The following CTNNA2 variants were observed in gnomAD, a reference collection of about 807,000 sequenced individuals.
CTNNA2 encodes catenin alpha-2.
CTNNA2 carries 42 observed loss-of-function variants against 101.0 expected under a neutral mutation model. That is an observed-to-expected ratio of 0.42 (90% confidence interval 0.32 to 0.54). The LOEUF (loss-of-function observed/expected upper bound fraction) is 0.54, where lower values mean the gene tolerates loss of function less well. Ranked by LOEUF, CTNNA2 falls within the 20% of genes least tolerant of loss-of-function variation. The pLI, the probability that CTNNA2 is intolerant of heterozygous loss-of-function variation, is 0.14. For missense variants in CTNNA2, 871 were observed against 1,223.1 expected (o/e 0.71, Z 4.29); for synonymous variants, 450 against 456.4 (o/e 0.99, Z 0.18).
chr2:79,754,879 T>C (rs1672292478), intron 3 of CTNNA2, among the ~76,000 whole-genome samples: 1 of 151,974 alleles, frequency 6.6e-6, no homozygotes, highest in African/African-American at 2.4e-5. Context: ...AGGATACCTT[T>C]GGGGAAAGAA....
intron 7 of CTNNA2, among the ~76,000 whole-genome samples, chr2:80,023,486 T>G (rs1032050518): frequency 6.6e-6 from 1 of 152,186 alleles, no homozygotes; most frequent in Non-Finnish European, 1.5e-5. Context: ...CAGGGATTCC[T>G]ACAGCAGGCA....
chr2:80,086,500 C>T (rs1573033292), intron 7 of CTNNA2, among the ~76,000 whole-genome samples: 1 of 152,100 alleles, frequency 6.6e-6, no homozygotes, highest in East Asian at 1.9e-4. Flanking sequence ...TGGACACCTC[C>T]TTGTGATATG....
chr2:79,906,621 A>G (rs989546849), intron 6 of CTNNA2, among the ~76,000 whole-genome samples: 2 of 152,174 alleles, frequency 1.3e-5, no homozygotes, highest in Admixed American at 1.3e-4. Flanking sequence ...GAGTTTGTCA[A>G]GCTCAATGTT....
intron 2 of CTNNA2, among the ~76,000 whole-genome samples, chr2:79,215,846 G>A (rs1316224640): frequency 6.6e-6 from 1 of 152,086 alleles, no homozygotes; most frequent in Non-Finnish European, 1.5e-5. Context: ...ATAGGGTGGA[G>A]GAGCAGAGGC....
intron 9 of CTNNA2, among the ~76,000 whole-genome samples, chr2:80,464,670 C>A (rs1382952368): frequency 6.6e-6 from 1 of 152,120 alleles, no homozygotes; most frequent in Admixed American, 6.6e-5. Context: ...CTTGCATACC[C>A]ACTCTGGCAT....
chr2:79,796,980 C>T (rs1369968091), intron 3 of CTNNA2, among the ~76,000 whole-genome samples: 1 of 152,076 alleles, frequency 6.6e-6, no homozygotes, highest in Non-Finnish European at 1.5e-5. Context: ...TGCCCTCCCT[C>T]CATAGAGGCA....
chr2:79,715,780 C>T (rs1171556821), intron 2 of CTNNA2, among the ~76,000 whole-genome samples: 1 of 152,060 alleles, frequency 6.6e-6, no homozygotes, highest in Non-Finnish European at 1.5e-5. Context: ...GGACCCATTG[C>T]TAACCCACTG....
intron 7 of CTNNA2, among the ~76,000 whole-genome samples, chr2:80,348,673 A>G (rs1673006771): frequency 6.6e-6 from 1 of 152,120 alleles, no homozygotes; most frequent in Non-Finnish European, 1.5e-5. Context: ...ACACATAGAC[A>G]TGTGTAGCTT....
At chr2:80,095,323 T>C (rs560883310) in intron 7 of CTNNA2, among the ~76,000 whole-genome samples, 2 of 152,384 alleles carry the variant, frequency 1.3e-5, no homozygotes, top group African/African-American at 4.8e-5. Context: ...TTGCATATGT[T>C]GAACCAGCCT....
At chr2:79,894,368 C>G (rs1261189857) in intron 6 of CTNNA2, among the ~76,000 whole-genome samples, 5 of 150,328 alleles carry the variant, frequency 3.3e-5, no homozygotes, top group Non-Finnish European at 7.4e-5. Flanking sequence ...ATTCCATCAT[C>G]TTGGTAAGCC....
At chr2:80,283,787 C>T (rs1216519576) in intron 7 of CTNNA2, among the ~76,000 whole-genome samples, 1 of 151,818 alleles carries the variant, frequency 6.6e-6, no homozygotes, top group African/African-American at 2.4e-5. Flanking sequence ...TCTCCAGCCA[C>T]TGCATATGCT....
chr2:79,995,570 G>A (rs965720207), intron 7 of CTNNA2, among the ~76,000 whole-genome samples: 13 of 152,186 alleles, frequency 8.5e-5, no homozygotes, highest in Non-Finnish European at 1.6e-4. Flanking sequence ...CAGCATTTTA[G>A]GAGGCCCAGG....
intron 8 of CTNNA2, among the ~76,000 whole-genome samples, chr2:80,417,535 A>G (rs1447677192): frequency 1.3e-5 from 2 of 151,420 alleles, no homozygotes; most frequent in Non-Finnish European, 3.0e-5. Flanking sequence ...TTCTTATTTT[A>G]TTTGTCTTAT....
At chr2:79,755,797 A>G (rs139152270) in intron 3 of CTNNA2, among the ~76,000 whole-genome samples, 38 of 152,316 alleles carry the variant, frequency 2.5e-4, no homozygotes, top group Admixed American at 5.9e-4. Context: ...ATGGAAAAGT[A>G]TGCTATCTAG....
At chr2:80,280,418 CAT>C (rs1457034543) in intron 7 of CTNNA2, among the ~76,000 whole-genome samples, 2 of 151,554 alleles carry the variant, frequency 1.3e-5, no homozygotes, top group Non-Finnish European at 2.9e-5. Flanking sequence ...ACAGCAAAAA[CAT>C]AGGCACCTAC....
At chr2:79,382,066 C>T (rs545968151) in intron 4 of CTNNA2, among the ~76,000 whole-genome samples, 1 of 152,210 alleles carries the variant, frequency 6.6e-6, no homozygotes, top group African/African-American at 2.4e-5. Context: ...ACATTACCCT[C>T]ACTAGTGGGG....
intron 7 of CTNNA2, among the ~76,000 whole-genome samples, chr2:79,912,290 T>A (rs944461633): frequency 6.6e-6 from 1 of 152,228 alleles, no homozygotes; most frequent in Non-Finnish European, 1.5e-5. Flanking sequence ...CCAAATTGTA[T>A]GACACAGAGG....
intron 7 of CTNNA2, among the ~76,000 whole-genome samples, chr2:80,072,117 A>G (rs1698388324): frequency 1.3e-5 from 2 of 152,194 alleles, no homozygotes; most frequent in Admixed American, 1.3e-4. Context: ...CACTGGCTTT[A>G]AAAATAGTGT....
chr2:79,465,357 AC>A (rs1160839739), intron 4 of CTNNA2, among the ~76,000 whole-genome samples: 2 of 152,138 alleles, frequency 1.3e-5, no homozygotes, highest in African/African-American at 2.4e-5. Flanking sequence ...CTGTTTTGGT[AC>A]CAGTACCATG....
Sources: allele counts gnomAD v4.1 joint callset (sites outside exome capture counted in the v4.1 genomes callset), GRCh38; gene constraint gnomAD v4.1.1; transcripts MANE v1.5; gene names NCBI Gene and HGNC (gene_info 2026-07-23, HGNC 2026-07-21).